The following SLC12A4 variants were observed in gnomAD, a reference collection of about 807,000 sequenced individuals.
The protein encoded by SLC12A4 is electroneutral potassium-chloride cotransporter 1.
A neutral mutation model predicts 119.2 loss-of-function variants in SLC12A4; 84 were observed. The observed-to-expected ratio is 0.70, with a 90% CI of 0.59 to 0.85. The LOEUF (loss-of-function observed/expected upper bound fraction) is 0.85, where lower values mean the gene tolerates loss of function less well. Among genes scored for constraint, SLC12A4 ranks in the 40% least tolerant of loss-of-function variants. The pLI is 0.00. For missense variants in SLC12A4, 1,298 were observed against 1,476.3 expected, an observed-to-expected ratio of 0.88 and a Z score of 1.98; for synonymous variants, 599 against 604.6, an observed-to-expected ratio of 0.99 and a Z score of 0.14.
intron 1 of SLC12A4, 21 bp downstream of exon 1, chr16:67,968,417 GC>G: frequency 6.4e-7 from 1 of 1,550,684 alleles, no homozygotes; most frequent in Non-Finnish European, 8.7e-7. Context: ...CCCCGCCACG[GC>G]CCCTCAGAAC....
Position 67,944,990 on chromosome 16 carries a change from G to T in SLC12A4, c.3167-59C>A. On this transcript the variant is annotated intron_variant, in intron 23 of 23. Transcript: ENST00000316341. This position sits in a 1 kb window ranked among gnomAD's most constrained non-coding sequence, Gnocchi z 6.6. The stretch of plus-strand genomic sequence containing the variant: ...AATCAACGGGCAACCCGGGCCACCT[G>T]GGCCATGCCCACCCAGGGGTGCCCA... 2 of 1,610,800 alleles carry T rather than the reference G, an allele frequency of 1.2e-6. No homozygotes were observed. Among genetic ancestry groups the T allele is most frequent in the South Asian group, 1.1e-5 (1 of 91,006 alleles).
intron 6 of SLC12A4, chr16:67,954,318 C>T (rs569479095): frequency 7.4e-5 from 27 of 364,116 alleles, no homozygotes; most frequent in South Asian, 7.2e-4. Flanking sequence ...CAGAAGGAAG[C>T]CTACATCACC....
rs1234772250 is a variant in SLC12A4, at chr16:67,963,938, G to A, written c.116-379C>T. On this transcript the variant is annotated intron_variant, in intron 1 of 23. Transcript: ENST00000316341. ...CCGGTCTTTCCGGAGTACCCAATGT[G>A]CAGGATGCCAAGGGTTCGGTGTCCT... The A allele has an allele frequency of 1.9e-6, 3 of 1,551,428 alleles. No individual in the cohort carries two copies. The South Asian group carries it at 3.6e-5, about 18-fold the overall frequency.
In SLC12A4 at chr16:67,951,020, G is replaced by A. The variant is rs144531405; in HGVS notation, c.1338C>T (p.Asp446=). The A allele has an allele frequency of 5.0e-5, 81 of 1,613,826 alleles. No individual in the cohort carries two copies. In the Middle Eastern group the frequency reaches 6.6e-4, roughly 13 times the overall value. The change falls in exon 10 of 24, where the codon GAC becomes GAT. Residue 446 remains aspartate, a synonymous_variant. Coordinates refer to ENST00000316341, the MANE Select transcript of SLC12A4 (RefSeq NM_005072.5). The surrounding 1 kb of genome is among the most constrained non-coding windows in gnomAD (Gnocchi z 5.2). ...AGSNRSGDLR[D]AQKSIPVGTI... Reference sequence around the variant, plus strand: ...TCCCCACAGGGATAGACTTCTGGGCGTCACGAAGGTCCCCAGAGCGGTTTG... The same window carrying A: ...TCCCCACAGGGATAGACTTCTGGGCATCACGAAGGTCCCCAGAGCGGTTTG...
chr16:67,961,524 G>C (rs1239781099), intron 3 of SLC12A4, 51 bp downstream of exon 3: 1 of 1,598,386 alleles, frequency 6.3e-7, no homozygotes, highest in Non-Finnish European at 8.5e-7. Flanking sequence ...ATTCCATGGT[G>C]CTGTGTCTGT....
At position 67,950,896 on chromosome 16, in the gene SLC12A4, G is replaced by C; in HGVS notation, c.1396+66C>G. 1 of 1,543,618 alleles carries C rather than the reference G, an allele frequency of 6.5e-7. No individual in the cohort carries two copies. The highest frequency in any genetic ancestry group is 1.4e-5 in the African/African-American group (1 of 73,648). ...GTGGGGTGTCTGTGCATGTGACCTG[G>C]CAACGTACACAGGCCAAGCGCTTCC... is the stretch of plus-strand genomic sequence containing the variant. On this transcript the variant is annotated intron_variant, in intron 10 of 23. Transcript: ENST00000316341. This position sits in a 1 kb window ranked among gnomAD's most constrained non-coding sequence, Gnocchi z 4.3.
Position 67,950,145 on chromosome 16 carries a change from A to G in SLC12A4, c.1629+174T>C, listed in dbSNP as rs745558318. ...GAAGATTCTGGGTCCAGGCAGCTCC[A>G]GGCCCAGGTGAGTGCCAGGCCCAGG... On this transcript the variant is annotated intron_variant, in intron 12 of 23. Coordinates refer to ENST00000316341, the MANE Select transcript of SLC12A4 (RefSeq NM_005072.5). This position sits in a 1 kb window ranked among gnomAD's most constrained non-coding sequence, Gnocchi z 4.3. The G allele has an allele frequency of 4.0e-5, 31 of 770,160 alleles. No individual in the cohort carries two copies. The highest frequency in any genetic ancestry group is 5.9e-5 in the Non-Finnish European group (29 of 487,958). 47.7% of individuals were successfully genotyped at this position (770,160 alleles called of 1,614,324 possible).
Position 67,944,885 on chromosome 16 carries a change from C to A in SLC12A4, c.3213G>T (p.Leu1071=). ...EVLTEGLERV[L]LVRGGGREVI... is the part of the protein sequence containing the mutation. ...CTTCACGGCCACCACCGCGCACCAA[C>A]AGCACCCGCTCAAGGCCCTCGGTCA... The change falls in exon 24 of 24, where the codon CTG becomes CTT. Residue 1071 remains leucine (L), a synonymous_variant. Transcript: ENST00000316341. The surrounding 1 kb of genome is among the most constrained non-coding windows in gnomAD (Gnocchi z 6.6). 3 of 1,613,518 alleles carry A rather than the reference C, an allele frequency of 1.9e-6. No homozygotes were observed. Among genetic ancestry groups the A allele is most frequent in the Non-Finnish European group, 2.5e-6 (3 of 1,180,024 alleles).
intron 3 of SLC12A4, among the ~76,000 whole-genome samples, chr16:67,958,493 C>G (rs2151334889): frequency 6.6e-6 from 1 of 152,270 alleles, no homozygotes. Flanking sequence ...CTGAGATCAG[C>G]CTGCCTTGTC....
chr16:67,945,950 C>A lies in SLC12A4; in HGVS notation c.2739+1G>T. 6.2e-7 allele frequency: 1 copy of A among 1,613,338 alleles called. No homozygotes were observed. Among genetic ancestry groups the A allele is most frequent in the Non-Finnish European group, 8.5e-7 (1 of 1,179,400 alleles). ...GGGCCAGGGCAGGGCAGAGGGCTCA[C>A]CATCTCCACCACCTCCACCTCGGCC... On this transcript the variant is annotated splice_donor_variant, in intron 20 of 23. Transcript: ENST00000316341. LOFTEE classifies it high-confidence loss of function.
chr16:67,961,505 A>G (rs1598229244), intron 3 of SLC12A4, 70 bp downstream of exon 3: 1 of 1,572,860 alleles, frequency 6.4e-7, no homozygotes, highest in Non-Finnish European at 8.6e-7. Flanking sequence ...CCATGTGGGG[A>G]AACAGTCAAT....
Position 67,950,109 on chromosome 16 carries a change from A to G in SLC12A4, c.1630-191T>C. On this transcript the variant is annotated intron_variant, in intron 12 of 23. Transcript: ENST00000316341. The surrounding 1 kb of genome is among the most constrained non-coding windows in gnomAD (Gnocchi z 4.3). Reference sequence around the variant, plus strand: ...GGCCTCTCTCCTTTGGATGAGCCCTAAACAGGCCATGAAGATTCTGGGTCC... The same window carrying G: ...GGCCTCTCTCCTTTGGATGAGCCCTGAACAGGCCATGAAGATTCTGGGTCC... The G allele has an allele frequency of 1.5e-6, 1 of 686,540 alleles. No individual in the cohort carries two copies. Among genetic ancestry groups the G allele is most frequent in the South Asian group, 1.9e-5 (1 of 52,950 alleles). The allele number at this position is 686,540 out of a possible 1,614,324, so 42.5% of individuals were successfully genotyped here. A position where few individuals can be genotyped will look rare whatever the true frequency, so the allele number is the denominator to read the frequency against.
In SLC12A4 at chr16:67,950,087, C is replaced by G. The variant is rs954654622; in HGVS notation, c.1630-169G>C. ...TCTCCCTGATTCCACCTCACCAGGC[C>G]TCTCTCCTTTGGATGAGCCCTAAAC... On this transcript the variant is annotated intron_variant, in intron 12 of 23. Coordinates refer to ENST00000316341, the MANE Select transcript of SLC12A4 (RefSeq NM_005072.5). The surrounding 1 kb of genome is among the most constrained non-coding windows in gnomAD (Gnocchi z 4.3). 8.7e-5 allele frequency: 60 copies of G among 692,588 alleles called. No homozygotes were observed. The highest frequency in any genetic ancestry group is 2.2e-5 in the Non-Finnish European group (9 of 409,650). The allele number at this position is 692,588 out of a possible 1,614,324, so 42.9% of individuals were successfully genotyped here.
rs549941664 is a variant in SLC12A4, at chr16:67,943,724, C to T, written c.*1116G>A. 1 of 572,820 alleles carries T rather than the reference C, an allele frequency of 1.7e-6. No individual in the cohort carries two copies. The highest frequency in any genetic ancestry group is 1.9e-5 in the African/African-American group (1 of 53,590). 35.5% of individuals were successfully genotyped at this position (572,820 alleles called of 1,614,324 possible). On this transcript the variant is annotated 3_prime_UTR_variant, in exon 24 of 24. Coordinates refer to ENST00000316341, the MANE Select transcript of SLC12A4 (RefSeq NM_005072.5). The surrounding 1 kb of genome is among the most constrained non-coding windows in gnomAD (Gnocchi z 4.6). Reference sequence around the variant, plus strand: ...AAGACCTCAGGCACACCCCGTCCCCCACTCCGCCCCCCCTGGGTTAGACAA... The same window carrying T: ...AAGACCTCAGGCACACCCCGTCCCCTACTCCGCCCCCCCTGGGTTAGACAA...
In SLC12A4 at chr16:67,951,549, GA is replaced by G; in HGVS notation, c.1133-246del. 2 of 610,618 alleles carry G rather than the reference GA, an allele frequency of 3.3e-6. No homozygotes were observed. Among genetic ancestry groups the G allele is most frequent in the Non-Finnish European group, 2.9e-6 (1 of 348,346 alleles). 37.8% of individuals were successfully genotyped at this position (610,618 alleles called of 1,614,324 possible). A position where few individuals can be genotyped will look rare whatever the true frequency, so the allele number is the denominator to read the frequency against. ...AGCCCGCCACTGCCCGCCTTCCACA[GA>G]GGCCTTTATGGATCCTGTGGGAACA... is the stretch of plus-strand genomic sequence containing the variant. On this transcript the variant is annotated intron_variant, in intron 8 of 23. Coordinates refer to ENST00000316341, the MANE Select transcript of SLC12A4 (RefSeq NM_005072.5). This position sits in a 1 kb window ranked among gnomAD's most constrained non-coding sequence, Gnocchi z 5.2.
At position 67,958,188 on chromosome 16, in the gene SLC12A4, T is replaced by C. The variant is rs754210829; in HGVS notation, c.343-144A>G. On this transcript the variant is annotated intron_variant, in intron 3 of 23. Coordinates refer to ENST00000316341, the MANE Select transcript of SLC12A4 (RefSeq NM_005072.5). Reference sequence around the variant, plus strand: ...AGGGGTGACAGCTAGGATGTCTCTATTGACTTTCATATAGGAAGACAGTTG... The same window carrying C: ...AGGGGTGACAGCTAGGATGTCTCTACTGACTTTCATATAGGAAGACAGTTG... The C allele has an allele frequency of 1.6e-5, 12 of 755,894 alleles. No homozygotes were observed. The Admixed American group carries it at 2.3e-4, about 15-fold the overall frequency. The allele number at this position is 755,894 out of a possible 1,614,324, so 46.8% of individuals were successfully genotyped here.
chr16:67,953,574 A>G (rs2030067348), intron 6 of SLC12A4, among the ~76,000 whole-genome samples: 1 of 152,158 alleles, frequency 6.6e-6, no homozygotes, highest in East Asian at 1.9e-4. Context: ...GGTTCTTGGG[A>G]TGATGAAAAT....
chr16:67,968,269 T>A (rs1298544962), intron 1 of SLC12A4, among the ~76,000 whole-genome samples, 170 bp downstream of exon 1: 4 of 151,840 alleles, frequency 2.6e-5, no homozygotes, highest in Non-Finnish European at 4.4e-5. Context: ...AAATCGTGTC[T>A]GCGCGCGCAG....
chr16:67,944,661 T>G lies in SLC12A4; in HGVS notation c.*179A>C. 7.0e-7 allele frequency: 1 copy of G among 1,426,490 alleles called. No individual in the cohort carries two copies. The highest frequency in any genetic ancestry group is 1.5e-5 in the South Asian group (1 of 66,196). 88.4% of individuals were successfully genotyped at this position (1,426,490 alleles called of 1,614,324 possible). A position where few individuals can be genotyped will look rare whatever the true frequency, so the allele number is the denominator to read the frequency against. On this transcript the variant is annotated 3_prime_UTR_variant, in exon 24 of 24. Transcript: ENST00000316341. This position sits in a 1 kb window ranked among gnomAD's most constrained non-coding sequence, Gnocchi z 6.6. ...TCCCAGGGTCCCACAAGACCTGGGA[T>G]CCATCTCCATTTTGAGGCCCAGGCC...
Sources: gnomAD v4.1 joint callset for allele counts (sites outside exome capture counted in the v4.1 genomes callset) on GRCh38, gnomAD v4.1.1 for gene constraint, Gnocchi (gnomAD v3.1) non-coding constraint, MANE v1.5 for transcripts, NCBI Gene and HGNC (gene_info 2026-07-23, HGNC 2026-07-21) for gene names.